SLC49A4: variants seen among roughly 807,000 people sequenced by gnomAD.
SLC49A4 encodes disrupted in renal cancer protein 2.
A neutral mutation model predicts 50.6 loss-of-function variants in SLC49A4; 36 were observed. The ratio of observed to expected loss-of-function variants is 0.71; its 90% CI spans 0.55 to 0.94. SLC49A4 has a LOEUF of 0.94. Among genes scored for constraint, SLC49A4 ranks in the 40% least tolerant of loss-of-function variants. The pLI, the probability that SLC49A4 is intolerant of heterozygous loss-of-function variation, is 0.00. For missense variants in SLC49A4, 503 were observed against 605.7 expected (o/e 0.83, Z 1.78); for synonymous variants, 248 against 241.2 (o/e 1.03, Z -0.26).
chr3:122,853,116 T>A (rs1475588883), intron 5 of SLC49A4, among the ~76,000 whole-genome samples: 1 of 152,146 alleles, frequency 6.6e-6, no homozygotes, highest in Non-Finnish European at 1.5e-5. Context: ...AAGTCCAAGA[T>A]CAAGGTTCCA....
intron 4 of SLC49A4, among the ~76,000 whole-genome samples, chr3:122,842,971 A>C (rs1055597826): frequency 1.3e-5 from 2 of 152,086 alleles, no homozygotes. Context: ...TTTCTGAGTT[A>C]ATCAGATTAT....
intron 8 of SLC49A4, 24 bp downstream of exon 8, chr3:122,872,621 A>G (rs775287267): frequency 6.5e-6 from 10 of 1,529,582 alleles, no homozygotes; most frequent in Non-Finnish European, 8.9e-6. Context: ...TTTTTTATTT[A>G]CTATCTAAAT....
rs1937307868 is a variant in SLC49A4 at position 122,879,552 on chromosome 3, T to C, written c.*174T>C. 1.9e-6 allele frequency: 1 copy of C among 531,352 alleles called. No individual in the cohort carries two copies. The allele number at this position is 531,352 out of a possible 1,614,324, so 32.9% of individuals were successfully genotyped here. A position where few individuals can be genotyped will look rare whatever the true frequency, so the allele number is the denominator to read the frequency against. Reference sequence around the variant, plus strand: ...TTTAATTACTACTAGGTAATAATAATGGGAGACTTGAGTGATAATAGGGGA... The same window carrying C: ...TTTAATTACTACTAGGTAATAATAACGGGAGACTTGAGTGATAATAGGGGA... On this transcript the variant is annotated 3_prime_UTR_variant, in exon 9 of 9. Coordinates refer to ENST00000261038, the MANE Select transcript of SLC49A4 (RefSeq NM_032839.3).
intron 8 of SLC49A4, among the ~76,000 whole-genome samples, chr3:122,873,383 T>C (rs1470286348): frequency 6.6e-6 from 1 of 152,094 alleles, no homozygotes; most frequent in African/African-American, 2.4e-5. Context: ...TTTCACTGTG[T>C]TGGCCAGGCT....
intron 4 of SLC49A4, among the ~76,000 whole-genome samples, chr3:122,839,318 T>C (rs1936735854): frequency 6.6e-6 from 1 of 152,158 alleles, no homozygotes; most frequent in Admixed American, 6.5e-5. Context: ...GAAACACTTC[T>C]GGACATTGGC....
At position 122,798,199 on chromosome 3, in the gene SLC49A4, G is replaced by GT. The variant is rs1263182009; in HGVS notation, c.343+2664_343+2665insT. ...CTTGGTCATTCCCTTAACAAGGTTG[G>GT]CTAAATTCAGGGGAAAATGCTGTGT... is the stretch of plus-strand genomic sequence containing the variant. On this transcript the variant is annotated intron_variant, in intron 1 of 8. Coordinates refer to ENST00000261038, the MANE Select transcript of SLC49A4 (RefSeq NM_032839.3). Among the ~76,000 whole-genome samples the GT allele has an allele frequency of 2.6e-4, 39 of 152,190 alleles. 2 individuals are homozygous for GT. The highest frequency in any genetic ancestry group is 2.2e-3 in the Admixed American group (34 of 15,296).
intron 3 of SLC49A4, among the ~76,000 whole-genome samples, chr3:122,828,162 C>T (rs543045750): frequency 2.8e-4 from 43 of 152,276 alleles, no homozygotes; most frequent in South Asian, 6.2e-4. Flanking sequence ...ATGTTTTGAA[C>T]GCCTATGTAT....
At chr3:122,830,503 T>C (rs780127197) in intron 3 of SLC49A4, among the ~76,000 whole-genome samples, 9 of 152,350 alleles carry the variant, frequency 5.9e-5, no homozygotes, top group Middle Eastern at 6.8e-3. Context: ...AAAGTGATAC[T>C]GCGTAGAAAC....
At chr3:122,814,399 A>G (rs530480964) in intron 2 of SLC49A4, among the ~76,000 whole-genome samples, 5 of 152,340 alleles carry the variant, frequency 3.3e-5, no homozygotes, top group Non-Finnish European at 4.4e-5. Context: ...TAAAATGCAA[A>G]CTGGGAGAAA....
intron 2 of SLC49A4, among the ~76,000 whole-genome samples, chr3:122,808,867 A>AT (rs1302717824): frequency 2.6e-5 from 4 of 152,158 alleles, no homozygotes; most frequent in Non-Finnish European, 1.5e-5. Flanking sequence ...TTATATTCTG[A>AT]TTATATTCTG....
intron 5 of SLC49A4, among the ~76,000 whole-genome samples, chr3:122,851,696 A>C (rs1936928832): frequency 6.6e-6 from 1 of 152,064 alleles, no homozygotes. Context: ...TTAATTTCTG[A>C]AAATTTCTAG....
At chr3:122,795,585 G>A (rs1936018044) in intron 1 of SLC49A4, 50 bp downstream of exon 1, 1 of 1,539,104 alleles carries the variant, frequency 6.5e-7, no homozygotes, top group African/African-American at 1.4e-5. Context: ...CCGGGAGCAG[G>A]CGCCTGCCCG....
intron 1 of SLC49A4, among the ~76,000 whole-genome samples, chr3:122,799,851 A>C: frequency 6.6e-6 from 1 of 152,230 alleles, no homozygotes; most frequent in East Asian, 1.9e-4. Context: ...AGACGAGTCT[A>C]AGCTGTTTCT....
rs1464700018 is a variant in SLC49A4, at chr3:122,795,306, C to T, written c.114C>T (p.Pro38=). Reference sequence around the variant, plus strand: ...GGGAGGCGGCGGCGGCGGCGCTGCCCGCGGCGGTCCCGGGTCCCGGGCGGG... The same window carrying T: ...GGGAGGCGGCGGCGGCGGCGCTGCCTGCGGCGGTCCCGGGTCCCGGGCGGG... ...RSREAAAAAL[P]AAVPGPGRVY... The change falls in exon 1 of 9, where the codon CCC becomes CCT. Residue 38 remains proline (P), a synonymous_variant. Coordinates refer to ENST00000261038, the MANE Select transcript of SLC49A4 (RefSeq NM_032839.3). 1 of 1,462,784 alleles carries T rather than the reference C, an allele frequency of 6.8e-7. No homozygotes were observed. The highest frequency in any genetic ancestry group is 8.9e-7 in the Non-Finnish European group (1 of 1,120,062). The allele number at this position is 1,462,784 out of a possible 1,614,324, so 90.6% of individuals were successfully genotyped here.
At chr3:122,834,143 T>G (rs1250560448) in intron 4 of SLC49A4, among the ~76,000 whole-genome samples, 1 of 152,034 alleles carries the variant, frequency 6.6e-6, no homozygotes, top group Non-Finnish European at 1.5e-5. Flanking sequence ...TTGTTATGAG[T>G]TTTTATTGAT....
chr3:122,862,177 AT>A (rs1417065899), intron 7 of SLC49A4, among the ~76,000 whole-genome samples: 4 of 152,156 alleles, frequency 2.6e-5, no homozygotes, highest in East Asian at 1.9e-4. Flanking sequence ...TATGAGTATT[AT>A]TTTTTTAATG....
chr3:122,843,281 C>CT (rs11449712), intron 4 of SLC49A4, among the ~76,000 whole-genome samples: 88,282 of 151,822 alleles, frequency 0.58, 26,353 homozygotes, highest in Middle Eastern at 0.66. Context: ...AGTATAACCC[C>CT]ATAAGTCGGT....
chr3:122,821,523 T>C (rs547055718), intron 2 of SLC49A4, among the ~76,000 whole-genome samples: 1 of 152,104 alleles, frequency 6.6e-6, no homozygotes, highest in Non-Finnish European at 1.5e-5. Flanking sequence ...CCTGCAGAGG[T>C]GCAAGAGAAA....
At chr3:122,801,560 A>G (rs1010458059) in intron 1 of SLC49A4, among the ~76,000 whole-genome samples, 1 of 152,186 alleles carries the variant, frequency 6.6e-6, no homozygotes, top group African/African-American at 2.4e-5. Context: ...TCGCGCCATT[A>G]CACTCCAGAT....
Sources: gnomAD v4.1 joint callset for allele counts (sites outside exome capture counted in the v4.1 genomes callset) on GRCh38, gnomAD v4.1.1 for gene constraint, MANE v1.5 for transcripts, NCBI Gene and HGNC (gene_info 2026-07-23, HGNC 2026-07-21) for gene names.